Variants in KLRB1 observed in about 807,000 individuals in gnomAD.
KLRB1 encodes killer cell lectin-like receptor subfamily B member 1.
Under a neutral mutation model 33.5 loss-of-function variants are expected in KLRB1, and 27 were observed. The ratio of observed to expected loss-of-function variants is 0.81; its 90% CI spans 0.59 to 1.11. The LOEUF (loss-of-function observed/expected upper bound fraction) is 1.11. KLRB1 is among the 50% of genes most tolerant of loss of function. The probability of loss-of-function intolerance (pLI) is 0.00; values close to 1 mark genes in which losing one functional copy is unlikely to be tolerated. For synonymous variants in KLRB1, 64 were observed against 88.9 expected, an observed-to-expected ratio of 0.72 and a Z score of 1.58; for missense variants, 241 against 254.1, an observed-to-expected ratio of 0.95 and a Z score of 0.35.
chr12:9,606,625 A>ATGT, intron 1 of KLRB1, among the ~76,000 whole-genome samples: 1 of 145,788 alleles, frequency 6.9e-6, no homozygotes, highest in South Asian at 2.1e-4. Flanking sequence ...AGAGTGAAGT[A>ATGT]TGTTACTCAT....
intron 3 of KLRB1, 27 bp downstream of exon 3, chr12:9,599,740 C>A (rs1200543823): frequency 1.4e-6 from 2 of 1,394,208 alleles, no homozygotes; most frequent in East Asian, 4.6e-5. Context: ...AACAGTTATT[C>A]TTAGGAAATT....
In KLRB1 at chr12:9,595,282, C is replaced by G. The variant is rs753279178; in HGVS notation, c.670G>C (p.Asp224His). ...TGAGATGGGATTCATAGTCAAGAGTCAGGATACACTTTATTTCTCACAGGT... is the reference window on the plus strand; with the variant it reads ...TGAGATGGGATTCATAGTCAAGAGTGAGGATACACTTTATTTCTCACAGGT... Reference protein sequence around the residue: ...LTPVRNKVYPDS With the variant: ...LTPVRNKVYPHS Residue 224 changes from aspartate (D) to histidine (H), a missense_variant, in exon 6 of 6, where the codon GAC (aspartate) becomes CAC (histidine). Transcript: ENST00000229402. The G allele has an allele frequency of 1.9e-5, 31 of 1,612,962 alleles. 1 individual carries two copies. The highest frequency in any genetic ancestry group is 1.8e-4 in the South Asian group (16 of 91,040).
At chr12:9,599,976 G>T in intron 2 of KLRB1, 135 bp from the exon 3 acceptor site, 2 of 382,960 alleles carry the variant, frequency 5.2e-6, no homozygotes, top group African/African-American at 3.8e-5. Flanking sequence ...TATTAGCGAA[G>T]TGGTAAAAAA....
chr12:9,607,692 G>A lies in KLRB1; in HGVS notation c.85+63C>T, dbSNP rs1240389381. The A allele has an allele frequency of 1.5e-5, 16 of 1,079,544 alleles. No homozygotes were observed. The African/African-American group carries it at 1.9e-4, about 13-fold the overall frequency. The allele number at this position is 1,079,544 out of a possible 1,614,324, so 66.9% of individuals were successfully genotyped here. A position where few individuals can be genotyped will look rare whatever the true frequency, so the allele number is the denominator to read the frequency against. ...AAAGCAATGATTTAAAGCCATAAATGTAACAGGAAGATCTAATTCTGGAAG... is the reference window on the plus strand; with the variant it reads ...AAAGCAATGATTTAAAGCCATAAATATAACAGGAAGATCTAATTCTGGAAG... On this transcript the variant is annotated intron_variant, in intron 1 of 5. Coordinates refer to ENST00000229402, the MANE Select transcript of KLRB1 (RefSeq NM_002258.3).
chr12:9,601,649 A>G, intron 1 of KLRB1, 50 bp from the exon 2 acceptor site: 1 of 1,347,966 alleles, frequency 7.4e-7, no homozygotes, highest in Non-Finnish European at 1.1e-6. Context: ...AACGAAACAA[A>G]AAACCTTGGT....
intron 5 of KLRB1, among the ~76,000 whole-genome samples, chr12:9,595,980 A>G (rs1864488694): frequency 6.6e-6 from 1 of 152,208 alleles, no homozygotes; most frequent in East Asian, 1.9e-4. Flanking sequence ...TCTCATTCCA[A>G]ACAGAGGTGA....
intron 1 of KLRB1, among the ~76,000 whole-genome samples, chr12:9,602,790 A>G (rs1425815733): frequency 6.6e-6 from 1 of 152,156 alleles, no homozygotes; most frequent in Non-Finnish European, 1.5e-5. Context: ...CATGTTAAAA[A>G]ATTTAGCATC....
chr12:9,607,355 C>CTTTTCTTT (rs1555097796), intron 1 of KLRB1, among the ~76,000 whole-genome samples: 4 of 52,706 alleles, frequency 7.6e-5, no homozygotes, highest in Non-Finnish European at 8.7e-5. Flanking sequence ...TTTCTTTCTT[C>CTTTTCTTT]CTTTCTTTCT....
At chr12:9,602,036 A>G (rs1181027403) in intron 1 of KLRB1, among the ~76,000 whole-genome samples, 4 of 152,166 alleles carry the variant, frequency 2.6e-5, no homozygotes, top group Admixed American at 2.0e-4. Context: ...GCCAAGTACC[A>G]TGTTAGGTGC....
At chr12:9,607,057 C>T (rs370476901) in intron 1 of KLRB1, among the ~76,000 whole-genome samples, 22 of 151,716 alleles carry the variant, frequency 1.5e-4, no homozygotes, top group East Asian at 5.8e-4. Context: ...CTGGCCTACA[C>T]GTTGTATTCT....
chr12:9,596,652 A>G (rs1440925689), intron 5 of KLRB1, among the ~76,000 whole-genome samples: 1 of 152,216 alleles, frequency 6.6e-6, no homozygotes, highest in African/African-American at 2.4e-5. Flanking sequence ...AATAAAATGA[A>G]AAGTTCAACT....
At chr12:9,605,863 C>G (rs762602264) in intron 1 of KLRB1, among the ~76,000 whole-genome samples, 74 of 152,162 alleles carry the variant, frequency 4.9e-4, no homozygotes, top group African/African-American at 1.8e-3. Flanking sequence ...TATTACAATC[C>G]AAGTAGAAAA....
At chr12:9,603,598 AT>A (rs35214620) in intron 1 of KLRB1, among the ~76,000 whole-genome samples, 125,763 of 136,552 alleles carry the variant, frequency 0.92, 58,341 homozygotes, top group East Asian at 0.99. Context: ...CTAATTTTGT[AT>A]TTTTTTTTTT....
Position 9,598,576 on chromosome 12 carries a change from T to C in KLRB1, c.337A>G (p.Asn113Asp), listed in dbSNP as rs1864513151. 7 of 1,613,420 alleles carry C rather than the reference T, an allele frequency of 4.3e-6. No individual in the cohort carries two copies. The highest frequency in any genetic ancestry group is 5.9e-6 in the Non-Finnish European group (7 of 1,179,488). ...EKCLLFSHTV[N>D]PWNNSLADCS... ...TCAGCTAGACTGTTATTCCAAGGGT[T>C]GACAGTGTGAGAAAATAACAAGCAT... The change falls in exon 4 of 6, where the codon AAC (asparagine) becomes GAC (aspartate). Residue 113 changes from asparagine to aspartate, a missense_variant. Physicochemically the swap from Asn to Asp is conservative, Grantham distance 23. Coordinates refer to ENST00000229402, the MANE Select transcript of KLRB1 (RefSeq NM_002258.3).
intron 1 of KLRB1, among the ~76,000 whole-genome samples, chr12:9,607,274 TTC>T (rs1555097706): frequency 6.0e-5 from 5 of 83,494 alleles, no homozygotes; most frequent in South Asian, 6.1e-4. Context: ...TTCCTTTCCT[TTC>T]TCTCTCTTTC....
intron 1 of KLRB1, among the ~76,000 whole-genome samples, chr12:9,603,552 G>A (rs1199217605): frequency 6.6e-6 from 1 of 151,360 alleles, no homozygotes; most frequent in Non-Finnish European, 1.5e-5. Context: ...AACCTCCCGA[G>A]TAGCTGGGAT....
chr12:9,598,444 A>G (rs1032682531), intron 4 of KLRB1, 55 bp downstream of exon 4: 3 of 1,323,864 alleles, frequency 2.3e-6, no homozygotes, highest in Non-Finnish European at 3.1e-6. Context: ...ACAGACATTA[A>G]TATGGTTTAA....
At chr12:9,607,337 TTTCTTTCTTTCTTTCTTC>T in intron 1 of KLRB1, among the ~76,000 whole-genome samples, 1 of 47,934 alleles carries the variant, frequency 2.1e-5, no homozygotes, top group African/African-American at 5.8e-5. Flanking sequence ...CTTTCTTTCC[TTTCTTTCTTTCTTTCTTC>T]CTTTCTTTCT....
At chr12:9,606,706 TAAA>T (rs1301264828) in intron 1 of KLRB1, among the ~76,000 whole-genome samples, 5,980 of 74,112 alleles carry the variant, frequency 0.081, 895 homozygotes, top group Middle Eastern at 0.2. Context: ...TATATATATA[TAAA>T]ATATATAAAA....
Sources: allele counts gnomAD v4.1 joint callset (sites outside exome capture counted in the v4.1 genomes callset), GRCh38; gene constraint gnomAD v4.1.1; transcripts MANE v1.5; gene names NCBI Gene and HGNC (gene_info 2026-07-23, HGNC 2026-07-21).